Variants in MACROD2 observed in about 807,000 individuals in gnomAD.
The protein encoded by MACROD2 is ADP-ribose glycohydrolase MACROD2.
In MACROD2, 36 loss-of-function variants were observed where a neutral mutation model predicts 70.4. The ratio of observed to expected loss-of-function variants is 0.51; its 90% CI spans 0.39 to 0.68. The LOEUF is 0.68. Ranked by LOEUF, MACROD2 falls within the 30% of genes least tolerant of loss-of-function variation. The pLI is 0.00. For missense variants in MACROD2, 496 were observed against 538.4 expected, an observed-to-expected ratio of 0.92 and a Z score of 0.78; for synonymous variants, 172 against 178.8, an observed-to-expected ratio of 0.96 and a Z score of 0.30.
chr20:14,443,299 CTTTT>C (rs34612697), intron 3 of MACROD2, among the ~76,000 whole-genome samples: 1 of 136,114 alleles, frequency 7.3e-6, no homozygotes, highest in African/African-American at 2.7e-5. Context: ...ATTACCTATG[CTTTT>C]TTTTTTTTTT....
chr20:15,820,726 T>G (rs749777304), intron 8 of MACROD2, among the ~76,000 whole-genome samples: 16 of 152,204 alleles, frequency 1.1e-4, no homozygotes, highest in Non-Finnish European at 2.1e-4. Context: ...CCAGCAAGGA[T>G]AGCTTGTTTT....
chr20:14,467,995 T>C, intron 3 of MACROD2, among the ~76,000 whole-genome samples: 1 of 152,126 alleles, frequency 6.6e-6, no homozygotes, highest in Admixed American at 6.5e-5. Flanking sequence ...TCATTTCTGT[T>C]CTTTTGCATT....
At chr20:14,223,542 C>T (rs1353568339) in intron 3 of MACROD2, among the ~76,000 whole-genome samples, 1 of 143,104 alleles carries the variant, frequency 7.0e-6, no homozygotes, top group Admixed American at 7.2e-5. Flanking sequence ...GAGTCTCACC[C>T]TGTTGCCCAG....
chr20:14,100,672 G>C (rs1222103971), intron 3 of MACROD2, among the ~76,000 whole-genome samples: 1 of 126,298 alleles, frequency 7.9e-6, no homozygotes, highest in Non-Finnish European at 1.6e-5. Context: ...ATATTTAAAT[G>C]TATTTATATA....
chr20:15,658,224 T>C (rs1377689150), intron 8 of MACROD2, among the ~76,000 whole-genome samples: 1 of 132,404 alleles, frequency 7.6e-6, no homozygotes, highest in Non-Finnish European at 1.5e-5. Flanking sequence ...TCTCTCTCTC[T>C]CTTTTTTTTT....
Position 14,518,742 on chromosome 20 carries a change from C to T in MACROD2, c.301+25234C>T, listed in dbSNP as rs184896627. ...AAAAATATAAAGCCTGGCTTATGCCCTGGTGAAACATTCAGCAAGGGAGAT... is the reference window on the plus strand; with the variant it reads ...AAAAATATAAAGCCTGGCTTATGCCTTGGTGAAACATTCAGCAAGGGAGAT... On this transcript the variant is annotated intron_variant, in intron 4 of 17. Transcript: ENST00000684519. Among the ~76,000 whole-genome samples, 447 of 152,060 alleles carry T rather than the reference C, an allele frequency of 2.9e-3. 1 individual carries two copies. The highest frequency in any genetic ancestry group is 5.3e-3 in the Non-Finnish European group (359 of 67,952).
chr20:15,259,444 A>G (rs542456739), intron 6 of MACROD2, among the ~76,000 whole-genome samples: 3 of 152,162 alleles, frequency 2.0e-5, no homozygotes, highest in African/African-American at 7.2e-5. Context: ...TAACAGATAT[A>G]GCACTGTGAC....
At chr20:15,815,717 C>A (rs1568576365) in intron 8 of MACROD2, among the ~76,000 whole-genome samples, 1 of 152,064 alleles carries the variant, frequency 6.6e-6, no homozygotes, top group East Asian at 1.9e-4. Context: ...CCTCAATTAT[C>A]TTTTTTAAGT....
At chr20:16,048,807 A>G (rs920781118) in intron 17 of MACROD2, among the ~76,000 whole-genome samples, 2 of 152,322 alleles carry the variant, frequency 1.3e-5, no homozygotes, top group East Asian at 3.9e-4. Flanking sequence ...TCTGTTCCCG[A>G]GTATTTGAGA....
intron 7 of MACROD2, among the ~76,000 whole-genome samples, chr20:15,499,561 T>G (rs1468058521): frequency 6.6e-6 from 1 of 152,240 alleles, no homozygotes; most frequent in Admixed American, 6.5e-5. Context: ...TGTCTTTTTG[T>G]TTTTTAAACT....
chr20:14,768,146 A>T (rs957593687), intron 5 of MACROD2, among the ~76,000 whole-genome samples: 1 of 152,082 alleles, frequency 6.6e-6, no homozygotes, highest in African/African-American at 2.4e-5. Context: ...TCCTTTGTGT[A>T]TATACCCAGT....
Position 16,050,817 on chromosome 20 carries a change from C to T in MACROD2, c.*941C>T, listed in dbSNP as rs974235574. 1 of 152,228 alleles carries T rather than the reference C, an allele frequency of 6.6e-6. No individual in the cohort carries two copies. The highest frequency in any genetic ancestry group is 2.4e-5 in the African/African-American group (1 of 41,460). The allele number at this position is 152,228 out of a possible 1,614,324, so 9.4% of individuals were successfully genotyped here. On this transcript the variant is annotated 3_prime_UTR_variant, in exon 18 of 18. Transcript: ENST00000684519. ...CATAAAAGAATATCCTGTCTTCACC[C>T]AAGGCTTGACAGCCCACAGAGTGGT...
chr20:14,051,858 TATGATCC>T, intron 2 of MACROD2: 1 of 505,260 alleles, frequency 2.0e-6, no homozygotes, highest in South Asian at 1.5e-5. Flanking sequence ...AGGAGATGGA[TATGATCC>T]TTGGTTTCAA....
At chr20:15,302,258 C>T (rs566703529) in intron 6 of MACROD2, among the ~76,000 whole-genome samples, 1 of 152,184 alleles carries the variant, frequency 6.6e-6, no homozygotes, top group Non-Finnish European at 1.5e-5. Context: ...GACTATATTT[C>T]ATTTCTTTCT....
At chr20:14,797,601 A>G (rs1255403042) in intron 5 of MACROD2, among the ~76,000 whole-genome samples, 1 of 152,052 alleles carries the variant, frequency 6.6e-6, no homozygotes, top group Non-Finnish European at 1.5e-5. Flanking sequence ...TACTCAAATG[A>G]CATTTCCTCA....
chr20:15,599,495 T>G (rs2048790376), intron 8 of MACROD2, among the ~76,000 whole-genome samples: 1 of 152,190 alleles, frequency 6.6e-6, no homozygotes, highest in East Asian at 1.9e-4. Context: ...ATAACTGTTC[T>G]TGAGTAACTT....
chr20:14,215,128 C>T (rs920785189), intron 3 of MACROD2, among the ~76,000 whole-genome samples: 72 of 122,526 alleles, frequency 5.9e-4, no homozygotes, highest in Admixed American at 3.0e-3. Flanking sequence ...ATATATATTC[C>T]ATCATATATA....
chr20:14,531,268 A>T (rs930849970), intron 4 of MACROD2, among the ~76,000 whole-genome samples: 2 of 152,156 alleles, frequency 1.3e-5, no homozygotes, highest in Admixed American at 1.3e-4. Flanking sequence ...TCTCAAGAGG[A>T]AATAATCCTG....
At chr20:15,819,472 AATAT>A (rs1193753517) in intron 8 of MACROD2, among the ~76,000 whole-genome samples, 3 of 145,516 alleles carry the variant, frequency 2.1e-5, no homozygotes, top group Admixed American at 7.0e-5. Flanking sequence ...TAAGTATATA[AATAT>A]ATAGTTATAT....
Sources: gnomAD v4.1 joint callset for allele counts (sites outside exome capture counted in the v4.1 genomes callset) on GRCh38, gnomAD v4.1.1 for gene constraint, MANE v1.5 for transcripts, NCBI Gene and HGNC (gene_info 2026-07-23, HGNC 2026-07-21) for gene names.